AKAP13: variants seen among roughly 807,000 people sequenced by gnomAD.
The protein encoded by AKAP13 is A-kinase anchor protein 13.
A neutral mutation model predicts 264.5 loss-of-function variants in AKAP13; 80 were observed. That is an observed-to-expected ratio of 0.30 (90% CI 0.25 to 0.36). The LOEUF is 0.36. AKAP13 is among the 10% of genes least tolerant of loss of function. AKAP13 has a pLI of 1.00. For missense variants in AKAP13, 3,712 were observed against 3,435.2 expected (o/e 1.08, Z -2.01); for synonymous variants, 1,380 against 1,250.2 (o/e 1.10, Z -2.19).
At chr15:85,654,324 T>C (rs2151515839) in intron 10 of AKAP13, among the ~76,000 whole-genome samples, 1 of 152,342 alleles carries the variant, frequency 6.6e-6, no homozygotes, top group South Asian at 2.1e-4. Context: ...AACCACAGAC[T>C]TCCTTTTGGA....
At chr15:85,712,122 C>T (rs184614715) in intron 19 of AKAP13, among the ~76,000 whole-genome samples, 3 of 152,304 alleles carry the variant, frequency 2.0e-5, no homozygotes, top group South Asian at 4.1e-4. Context: ...GCATGAGCCA[C>T]CGCACCCAGC....
At chr15:85,449,748 T>C (rs1197087441) in intron 1 of AKAP13, among the ~76,000 whole-genome samples, 1 of 152,214 alleles carries the variant, frequency 6.6e-6, no homozygotes, top group Admixed American at 6.5e-5. Flanking sequence ...TGAACCAACT[T>C]GCAACTGGGG....
In AKAP13 at chr15:85,661,003, T is replaced by C. The variant is rs148642048; in HGVS notation, c.4799+2413T>C. ...GTGTTTTTGGTGCCAGGCCTTCCCA[T>C]CTGCAAGATTCTGGAGGGAGCCGAG... On this transcript the variant is annotated intron_variant, in intron 12 of 36. Coordinates refer to ENST00000394518, the MANE Select transcript of AKAP13 (RefSeq NM_007200.5). Among the ~76,000 whole-genome samples, 950 of 152,304 alleles carry C rather than the reference T, an allele frequency of 6.2e-3. 10 individuals are homozygous for C. The highest frequency in any genetic ancestry group is 0.021 in the African/African-American group (892 of 41,550).
At chr15:85,610,507 A>G (rs2080558228) in intron 8 of AKAP13, among the ~76,000 whole-genome samples, 1 of 152,222 alleles carries the variant, frequency 6.6e-6, no homozygotes, top group African/African-American at 2.4e-5. Context: ...CTTCTTGGTA[A>G]TGGTCCCTTT....
At chr15:85,639,283 G>A (rs2082200372) in intron 8 of AKAP13, 91 bp from the exon 9 acceptor site, 1 of 914,144 alleles carries the variant, frequency 1.1e-6, no homozygotes, top group Non-Finnish European at 1.7e-6. Flanking sequence ...AAAAAGATAG[G>A]AATGTTGGTC....
At position 85,555,197 on chromosome 15, in the gene AKAP13, C is replaced by A. The variant is rs1351236520; in HGVS notation, c.662+11242C>A. Among the ~76,000 whole-genome samples, 4 of 152,128 alleles carry A rather than the reference C, an allele frequency of 2.6e-5. No homozygotes were observed. In the East Asian group the frequency reaches 5.8e-4, roughly 22 times the overall value. On this transcript the variant is annotated intron_variant, in intron 5 of 36. Transcript: ENST00000394518. ...GAGGTGGATTAGCTACCCCCCACCC[C>A]CTACCCCTTTCTGGCATTTAGCTTC...
At chr15:85,696,572 G>A (rs968460023) in intron 17 of AKAP13, among the ~76,000 whole-genome samples, 1 of 152,080 alleles carries the variant, frequency 6.6e-6, no homozygotes, top group Non-Finnish European at 1.5e-5. Flanking sequence ...TCTTCTTTTG[G>A]AGAGCACTGA....
chr15:85,499,583 CTA>C (rs1285110243), intron 2 of AKAP13, among the ~76,000 whole-genome samples: 1 of 152,168 alleles, frequency 6.6e-6, no homozygotes, highest in Non-Finnish European at 1.5e-5. Flanking sequence ...AATTCCAACT[CTA>C]TGTAAGCTAG....
At chr15:85,523,552 C>T (rs2076908826) in intron 3 of AKAP13, among the ~76,000 whole-genome samples, 1 of 152,156 alleles carries the variant, frequency 6.6e-6, no homozygotes, top group Admixed American at 6.5e-5. Context: ...CTCCATTGCA[C>T]TTTTCAACTT....
At chr15:85,621,608 C>T (rs967681798) in intron 8 of AKAP13, 1 of 151,996 alleles carries the variant, frequency 6.6e-6, no homozygotes. Context: ...ATACTTTATA[C>T]TCTAGGTGGG....
chr15:85,711,985 G>T (rs774029748), intron 19 of AKAP13, among the ~76,000 whole-genome samples: 1 of 152,084 alleles, frequency 6.6e-6, no homozygotes, highest in Non-Finnish European at 1.5e-5. Flanking sequence ...GGTGTGCGCC[G>T]CTATGCCTGG....
At chr15:85,619,963 G>T (rs977608213) in intron 8 of AKAP13, 5 of 1,458,568 alleles carry the variant, frequency 3.4e-6, no homozygotes, top group Admixed American at 2.6e-5. Context: ...TAATAGAGAG[G>T]AGTCTGGAAG....
At position 85,542,842 on chromosome 15, in the gene AKAP13, C is replaced by T. The variant is rs143523453; in HGVS notation, c.479-930C>T. On this transcript the variant is annotated intron_variant, in intron 4 of 36. Coordinates refer to ENST00000394518, the MANE Select transcript of AKAP13 (RefSeq NM_007200.5). The stretch of plus-strand genomic sequence containing the variant: ...ACTGGGATTTAATGAATGTCTACTA[C>T]AGCCAGTCATAATACTAGCATTTCA... Among the ~76,000 whole-genome samples, 62 of 152,328 alleles carry T rather than the reference C, an allele frequency of 4.1e-4. No homozygotes were observed. The East Asian group carries it at 0.01, about 25-fold the overall frequency.
chr15:85,594,120 A>G (rs1442852421), intron 8 of AKAP13, among the ~76,000 whole-genome samples: 5 of 152,208 alleles, frequency 3.3e-5, no homozygotes, highest in African/African-American at 9.6e-5. Context: ...GTGATTTTAG[A>G]TAATGATTTT....
Position 85,421,884 on chromosome 15 carries a change from A to G in AKAP13, c.-12+41086A>G, listed in dbSNP as rs189597663. Among the ~76,000 whole-genome samples, 457 of 152,326 alleles carry G rather than the reference A, an allele frequency of 3.0e-3. 3 individuals are homozygous for G. Among genetic ancestry groups the G allele is most frequent in the Non-Finnish European group, 4.5e-3 (308 of 68,036 alleles). ...CCATGTTGCATAAGGAACATTTGCA[A>G]TTTGGTTTATAATGTCACCATTCGT... On this transcript the variant is annotated intron_variant, in intron 1 of 36. Transcript: ENST00000394518.
chr15:85,520,283 G>T (rs2076768783), intron 2 of AKAP13, among the ~76,000 whole-genome samples: 1 of 151,916 alleles, frequency 6.6e-6, no homozygotes, highest in African/African-American at 2.4e-5. Flanking sequence ...ATCATCTGAG[G>T]TCAGGATTCG....
chr15:85,674,129 C>T (rs1292894114), intron 14 of AKAP13, among the ~76,000 whole-genome samples: 3 of 151,678 alleles, frequency 2.0e-5, no homozygotes, highest in Admixed American at 1.3e-4. Flanking sequence ...GGAATTGGAC[C>T]CGTTAGACGT....
chr15:85,564,194 CCT>C lies in AKAP13; in HGVS notation c.663-10934_663-10933del, dbSNP rs200877447. On this transcript the variant is annotated intron_variant, in intron 5 of 36. Transcript: ENST00000394518. ...TAACAGAAGAATGAAGCAATTTTCA[CCT>C]CTGCCTTTATTAAAATGTTTTACAT... Among the ~76,000 whole-genome samples the C allele has an allele frequency of 9.5e-3, 1,440 of 152,262 alleles. 12 individuals are homozygous for C. The highest frequency in any genetic ancestry group is 0.015 in the Non-Finnish European group (1,054 of 68,006).
intron 1 of AKAP13, among the ~76,000 whole-genome samples, chr15:85,480,621 T>TG (rs1031910020): frequency 2.0e-4 from 25 of 126,688 alleles, no homozygotes; most frequent in Admixed American, 1.1e-3. Context: ...GTGGTGGGGG[T>TG]GGGGGGGTTA....
Sources: allele counts gnomAD v4.1 joint callset (sites outside exome capture counted in the v4.1 genomes callset), GRCh38; gene constraint gnomAD v4.1.1; transcripts MANE v1.5; gene names NCBI Gene and HGNC (gene_info 2026-07-23, HGNC 2026-07-21).